MARCHF3: variants seen among roughly 807,000 people sequenced by gnomAD.
MARCHF3 encodes membrane associated ring-CH-type finger 3.
Under a neutral mutation model 24.2 loss-of-function variants are expected in MARCHF3, and 13 were observed. The ratio of observed to expected loss-of-function variants is 0.54; its 90% CI spans 0.35 to 0.85. The LOEUF (loss-of-function observed/expected upper bound fraction) is 0.85. Ranked by LOEUF, MARCHF3 falls within the 40% of genes least tolerant of loss-of-function variation. The pLI is 0.01. For synonymous variants in MARCHF3, 144 were observed against 137.3 expected, an observed-to-expected ratio of 1.05 and a Z score of -0.34; for missense variants, 276 against 325.0, an observed-to-expected ratio of 0.85 and a Z score of 1.16.
chr5:126,976,975 A>G (rs572601931), intron 1 of MARCHF3, among the ~76,000 whole-genome samples: 2 of 152,350 alleles, frequency 1.3e-5, no homozygotes, highest in African/African-American at 4.8e-5. Flanking sequence ...AGGTCTATGT[A>G]TATGAGAGGT....
rs537752186 is a variant in MARCHF3 at position 126,985,877 on chromosome 5, T to C, written c.-57+44473A>G. ...CGTTTGCAGGGAGAGAACCTGACCT[T>C]GAGAGTATTTTTCATGCATGACTCT... On this transcript the variant is annotated intron_variant, in intron 1 of 4. Coordinates refer to ENST00000308660, the MANE Select transcript of MARCHF3 (RefSeq NM_178450.5). 1.2e-4 allele frequency among the ~76,000 whole-genome samples: 19 copies of C among 152,298 alleles called. No individual in the cohort carries two copies. The East Asian group carries it at 3.7e-3, about 29-fold the overall frequency.
At chr5:126,928,853 C>T (rs563326277) in intron 1 of MARCHF3, among the ~76,000 whole-genome samples, 2 of 152,142 alleles carry the variant, frequency 1.3e-5, no homozygotes, top group Admixed American at 1.3e-4. Context: ...TAAAGTAAAT[C>T]CCAGAAATCA....
intron 1 of MARCHF3, among the ~76,000 whole-genome samples, chr5:127,022,008 T>C (rs1752819672): frequency 6.6e-6 from 1 of 152,228 alleles, no homozygotes; most frequent in African/African-American, 2.4e-5. Flanking sequence ...CTTGTTTTTG[T>C]TTTATAGAAA....
chr5:126,944,888 T>C (rs536178891), intron 1 of MARCHF3, among the ~76,000 whole-genome samples: 25 of 152,336 alleles, frequency 1.6e-4, no homozygotes, highest in African/African-American at 5.8e-4. Flanking sequence ...GTTGGTATTA[T>C]TTTTATTACA....
At position 126,878,188 on chromosome 5, in the gene MARCHF3, T is replaced by A; in HGVS notation, c.600A>T (p.Thr200=). 1 of 1,614,056 alleles carries A rather than the reference T, an allele frequency of 6.2e-7. No homozygotes were observed. The highest frequency in any genetic ancestry group is 8.5e-7 in the Non-Finnish European group (1 of 1,179,936). Residue 200 remains threonine (T), a synonymous_variant, in exon 4 of 5, where the codon ACA becomes ACT. Coordinates refer to ENST00000308660, the MANE Select transcript of MARCHF3 (RefSeq NM_178450.5). The part of the protein sequence containing the change: ...VALFTIYLFW[T]LVSFRYHCRL... ...CCCAGCCACGGCCCATACTTACTAGTGTCCAAAAGAGGTAAATAGTGAAGA... is the reference window on the plus strand; with the variant it reads ...CCCAGCCACGGCCCATACTTACTAGAGTCCAAAAGAGGTAAATAGTGAAGA...
At chr5:126,903,299 G>C (rs1297734050) in intron 3 of MARCHF3, among the ~76,000 whole-genome samples, 1 of 151,888 alleles carries the variant, frequency 6.6e-6, no homozygotes, top group Admixed American at 6.6e-5. Context: ...GAAATAGAGA[G>C]AGCATGTCCC....
chr5:126,999,331 A>G (rs894958339), intron 1 of MARCHF3, among the ~76,000 whole-genome samples: 2 of 152,312 alleles, frequency 1.3e-5, no homozygotes, highest in Non-Finnish European at 2.9e-5. Flanking sequence ...CCAGCTTTCA[A>G]TGAGTCCATT....
chr5:126,983,190 C>G (rs1751448623), intron 1 of MARCHF3, among the ~76,000 whole-genome samples: 1 of 152,198 alleles, frequency 6.6e-6, no homozygotes, highest in South Asian at 2.1e-4. Context: ...GCAGTCCCCA[C>G]AGGTCCCAGA....
In MARCHF3 at chr5:126,917,972, T is replaced by C. The variant is rs371287828; in HGVS notation, c.188+12A>G. On this transcript the variant is annotated intron_variant, in intron 2 of 4. Coordinates refer to ENST00000308660, the MANE Select transcript of MARCHF3 (RefSeq NM_178450.5). ...TCAATTACAGATTCATTTATTTTAA[T>C]TGTGGTACTACCTCTGGGTGGCAAG... 1.2e-5 allele frequency: 19 copies of C among 1,609,972 alleles called. No homozygotes were observed. Among genetic ancestry groups the C allele is most frequent in the Middle Eastern group, 3.3e-4 (2 of 6,058 alleles).
chr5:127,023,701 A>G (rs1752893075), intron 1 of MARCHF3, among the ~76,000 whole-genome samples: 1 of 151,692 alleles, frequency 6.6e-6, no homozygotes, highest in South Asian at 2.1e-4. Flanking sequence ...GCTGCACTCT[A>G]GCCTGGGTGA....
chr5:126,915,308 T>TGG (rs1157147765), intron 2 of MARCHF3, among the ~76,000 whole-genome samples, 174 bp from the exon 3 acceptor site: 1 of 152,212 alleles, frequency 6.6e-6, no homozygotes, highest in Non-Finnish European at 1.5e-5. Flanking sequence ...CTAGAGCACT[T>TGG]GGGTCACCTA....
chr5:126,869,641 C>A lies in MARCHF3; in HGVS notation c.*992G>T, dbSNP rs1752897548. The A allele has an allele frequency of 8.5e-6, 1 of 118,282 alleles. No individual in the cohort carries two copies. Among genetic ancestry groups the A allele is most frequent in the South Asian group, 2.9e-4 (1 of 3,394 alleles). The allele number at this position is 118,282 out of a possible 1,614,324, so 7.3% of individuals were successfully genotyped here. A position where few individuals can be genotyped will look rare whatever the true frequency, so the allele number is the denominator to read the frequency against. On this transcript the variant is annotated 3_prime_UTR_variant, in exon 5 of 5. Coordinates refer to ENST00000308660, the MANE Select transcript of MARCHF3 (RefSeq NM_178450.5). ...CTGTCAAGCTAGAAATTCAATAGAG[C>A]AATGGGAATGCTAATTGACATGCAA...
intron 1 of MARCHF3, among the ~76,000 whole-genome samples, chr5:126,997,019 C>G (rs2126847606): frequency 6.6e-6 from 1 of 152,158 alleles, no homozygotes; most frequent in East Asian, 1.9e-4. Flanking sequence ...AATTTATACC[C>G]TTAACAAATA....
intron 1 of MARCHF3, among the ~76,000 whole-genome samples, chr5:127,007,670 A>G (rs1271654833): frequency 6.6e-6 from 1 of 152,120 alleles, no homozygotes; most frequent in Non-Finnish European, 1.5e-5. Flanking sequence ...GCTAACAAAG[A>G]GCTTATTTTA....
At chr5:126,944,352 C>T (rs796726094) in intron 1 of MARCHF3, among the ~76,000 whole-genome samples, 3 of 152,250 alleles carry the variant, frequency 2.0e-5, no homozygotes, top group Non-Finnish European at 2.9e-5. Flanking sequence ...AATTCCAGTA[C>T]TTTGGGAGGG....
At chr5:126,983,603 C>T (rs561072832) in intron 1 of MARCHF3, among the ~76,000 whole-genome samples, 1 of 152,188 alleles carries the variant, frequency 6.6e-6, no homozygotes, top group Non-Finnish European at 1.5e-5. Flanking sequence ...CAGCAATTTA[C>T]TCGGGGCCTC....
intron 1 of MARCHF3, among the ~76,000 whole-genome samples, chr5:126,920,512 A>T (rs1749073190): frequency 2.6e-5 from 4 of 152,122 alleles, no homozygotes; most frequent in Admixed American, 2.6e-4. Flanking sequence ...TGCCGCATGG[A>T]ATCATTATGT....
chr5:126,889,710 G>A (rs1480232767), intron 3 of MARCHF3, among the ~76,000 whole-genome samples: 1 of 152,054 alleles, frequency 6.6e-6, no homozygotes, highest in Non-Finnish European at 1.5e-5. Context: ...TATTTACGAG[G>A]GCCTGGCTGA....
rs60889784 is a variant in MARCHF3, at chr5:126,973,560, C to G, written c.-56-55333G>C. The stretch of plus-strand genomic sequence containing the variant: ...AGCTAGATGCTAAAGCAGACAATTG[C>G]AGAAGTGCAGAGGGTGGCAGAGAGA... On this transcript the variant is annotated intron_variant, in intron 1 of 4. Transcript: ENST00000308660. 3.3e-5 allele frequency among the ~76,000 whole-genome samples: 5 copies of G among 152,154 alleles called. No individual in the cohort carries two copies. In the East Asian group the frequency reaches 9.6e-4, roughly 29 times the overall value.
Sources: allele counts gnomAD v4.1 joint callset (sites outside exome capture counted in the v4.1 genomes callset), GRCh38; gene constraint gnomAD v4.1.1; transcripts MANE v1.5; gene names NCBI Gene and HGNC (gene_info 2026-07-23, HGNC 2026-07-21).